The following ATR variants were observed in gnomAD, a reference collection of about 807,000 sequenced individuals.
ATR encodes ATR checkpoint kinase, also known as serine/threonine-protein kinase ATR.
Under a neutral mutation model 305.3 loss-of-function variants are expected in ATR, and 142 were observed. The observed-to-expected ratio is 0.47, with a 90% confidence interval of 0.41 to 0.53. The LOEUF (loss-of-function observed/expected upper bound fraction) is 0.53. ATR is among the 20% of genes least tolerant of loss of function. ATR has a pLI of 0.00. For missense variants in ATR, 2,135 were observed against 3,133.1 expected, an observed-to-expected ratio of 0.68 and a Z score of 7.60; for synonymous variants, 1,050 against 1,068.1, an observed-to-expected ratio of 0.98 and a Z score of 0.33.
At chr3:142,487,603 C>T (rs1031154204) in intron 35 of ATR, among the ~76,000 whole-genome samples, 4 of 152,006 alleles carry the variant, frequency 2.6e-5, no homozygotes, top group Non-Finnish European at 1.5e-5. Context: ...GGATTACTTC[C>T]AATATAAAAT....
chr3:142,466,623 G>A lies in ATR; in HGVS notation c.6688-90C>T, dbSNP rs562888836. 9 of 1,226,522 alleles carry A rather than the reference G, an allele frequency of 7.3e-6. No homozygotes were observed. The East Asian group carries it at 2.3e-4, about 31-fold the overall frequency. The allele number at this position is 1,226,522 out of a possible 1,614,324, so 76.0% of individuals were successfully genotyped here. On this transcript the variant is annotated intron_variant, in intron 39 of 46. Transcript: ENST00000350721. ...ACTTTTACAATATTTTGATTACAAAGGTTCAGCAGTCTGTGGTTTTCTAAG... is the reference window on the plus strand; with the variant it reads ...ACTTTTACAATATTTTGATTACAAAAGTTCAGCAGTCTGTGGTTTTCTAAG...
intron 29 of ATR, 74 bp from the exon 30 acceptor site, chr3:142,503,527 G>A (rs2032085238): frequency 4.7e-6 from 4 of 854,928 alleles, no homozygotes; most frequent in Non-Finnish European, 7.3e-6. Context: ...CAGTTTAACT[G>A]ATATTCTTTA....
In ATR at chr3:142,562,966, T is replaced by C. The variant is rs765018743; in HGVS notation, c.436A>G (p.Thr146Ala). The C allele has an allele frequency of 1.9e-6, 3 of 1,610,028 alleles. No homozygotes were observed. The highest frequency in any genetic ancestry group is 1.7e-5 in the Admixed American group (1 of 59,026). The change falls in exon 4 of 47, where the codon ACA becomes GCA. Residue 146 changes from threonine (T) to alanine (A), a missense_variant. Thr to Ala is a moderately conservative substitution (Grantham distance 58). This residue lies in a region of ATR where 744 missense variants were observed against 873.2 expected (regional missense o/e 0.85). Transcript: ENST00000350721. ...SKSPAIFGVL[T>A]KELLQLFEDL... Reference sequence around the variant, plus strand: ...TCAAAAAGTTGTAATAATTCTTTTGTGAGTACCCCAAAAATAGCAGGACTC... The same window carrying C: ...TCAAAAAGTTGTAATAATTCTTTTGCGAGTACCCCAAAAATAGCAGGACTC...
At position 142,560,469 on chromosome 3, in the gene ATR, A is replaced by ATCTCTC; in HGVS notation, c.1350-16_1350-15insGAGAGA. 1 of 1,581,622 alleles carries ATCTCTC rather than the reference A, an allele frequency of 6.3e-7. No homozygotes were observed. The highest frequency in any genetic ancestry group is 8.7e-7 in the Non-Finnish European group (1 of 1,150,854). Reference sequence around the variant, plus strand: ...CATGTTTAATTCTATAATTATGAATATAGTAGAGAGATATTCATATGCAAT... The same window carrying ATCTCTC: ...CATGTTTAATTCTATAATTATGAATATCTCTCTAGTAGAGAGATATTCATATGCAAT... On this transcript the variant is annotated splice_polypyrimidine_tract_variant and intron_variant, in intron 5 of 46. Transcript: ENST00000350721.
chr3:142,568,121 C>T lies in ATR; in HGVS notation c.93G>A (p.Gln31=), dbSNP rs771757605. 1 of 1,612,338 alleles carries T rather than the reference C, an allele frequency of 6.2e-7. No individual in the cohort carries two copies. Among genetic ancestry groups the T allele is most frequent in the African/African-American group, 1.3e-5 (1 of 74,876 alleles). Residue 31 remains glutamine (Q), a synonymous_variant, in exon 2 of 47, where the codon CAG becomes CAA. Coordinates refer to ENST00000350721, the MANE Select transcript of ATR (RefSeq NM_001184.4). ...ATPEEYNTVV[Q]KPRQILCQFI... ...ATTGACACAGAATTTGTCTTGGCTT[C>T]TGTACAACTGTATTATATTCCTCTG...
chr3:142,465,109 G>T lies in ATR; in HGVS notation c.7029C>A (p.Ser2343=), dbSNP rs1340234376. ...RKDCRLMEFN[S]LINKCLRKDA... The stretch of plus-strand genomic sequence containing the variant: ...ACTATCTCCCAACCTTATTAATCAA[G>T]GAATTGAATTCCATTAGTCTACAAT... Residue 2343 remains serine (S), a synonymous_variant, in exon 41 of 47, where the codon TCC becomes TCA. Coordinates refer to ENST00000350721, the MANE Select transcript of ATR (RefSeq NM_001184.4). The T allele has an allele frequency of 1.3e-6, 2 of 1,524,404 alleles. No homozygotes were observed. Among genetic ancestry groups the T allele is most frequent in the African/African-American group, 1.4e-5 (1 of 72,514 alleles). 94.4% of individuals were successfully genotyped at this position (1,524,404 alleles called of 1,614,324 possible). A position where few individuals can be genotyped will look rare whatever the true frequency, so the allele number is the denominator to read the frequency against.
intron 15 of ATR, 85 bp downstream of exon 15, chr3:142,549,394 C>T: frequency 1.1e-6 from 1 of 937,228 alleles, no homozygotes; most frequent in Non-Finnish European, 1.5e-6. Flanking sequence ...ATAATTTACT[C>T]ACCCTCTTTC....
chr3:142,550,899 TG>T lies in ATR; in HGVS notation c.2806-598del, dbSNP rs1427310131. 9.2e-5 allele frequency among the ~76,000 whole-genome samples: 14 copies of T among 152,132 alleles called. No homozygotes were observed. The South Asian group carries it at 1.0e-3, about 11-fold the overall frequency. On this transcript the variant is annotated intron_variant, in intron 13 of 46. Transcript: ENST00000350721. ...ACCTCCTGGGTTCAGGCGATTCTTC[TG>T]CCTCAGCCTCCTGAGTAGCTGGGAT...
At chr3:142,548,048 G>A in intron 15 of ATR, 138 bp from the exon 16 acceptor site, 1 of 758,998 alleles carries the variant, frequency 1.3e-6, no homozygotes, top group East Asian at 2.7e-5. Context: ...ATTAAGAAAA[G>A]GCATTGGAAA....
At chr3:142,481,038 G>A (rs1036561409) in intron 36 of ATR, among the ~76,000 whole-genome samples, 10 of 152,224 alleles carry the variant, frequency 6.6e-5, no homozygotes, top group African/African-American at 2.4e-4. Flanking sequence ...CACTTCCCAG[G>A]TGAGGCAATG....
intron 21 of ATR, among the ~76,000 whole-genome samples, chr3:142,529,728 T>G (rs1399974960): frequency 6.6e-6 from 1 of 152,154 alleles, no homozygotes; most frequent in East Asian, 1.9e-4. Flanking sequence ...TTTTTTGACA[T>G]TTTAAAAAAA....
chr3:142,498,933 G>C (rs2031800655), intron 31 of ATR, among the ~76,000 whole-genome samples, 159 bp from the exon 32 acceptor site: 1 of 151,742 alleles, frequency 6.6e-6, no homozygotes, highest in Non-Finnish European at 1.5e-5. Flanking sequence ...CAGGATAGAG[G>C]GCTATGGCAT....
chr3:142,496,873 C>A, intron 33 of ATR, 140 bp downstream of exon 33: 1 of 988,258 alleles, frequency 1.0e-6, no homozygotes. Flanking sequence ...TTCCTTTCAA[C>A]CAGATAGTGT....
intron 36 of ATR, among the ~76,000 whole-genome samples, chr3:142,475,391 T>C (rs1208393569): frequency 6.6e-6 from 1 of 152,192 alleles, no homozygotes; most frequent in Non-Finnish European, 1.5e-5. Context: ...AATGATGGTT[T>C]CCAGCTTCAT....
Position 142,485,354 on chromosome 3 carries a change from T to C in ATR, c.6079-72A>G, listed in dbSNP as rs550905735. The C allele has an allele frequency of 3.5e-5, 54 of 1,546,020 alleles. No individual in the cohort carries two copies. In the South Asian group the frequency reaches 5.9e-4, roughly 17 times the overall value. On this transcript the variant is annotated intron_variant, in intron 35 of 46. Coordinates refer to ENST00000350721, the MANE Select transcript of ATR (RefSeq NM_001184.4). ...TGCTGGGAAGTAAAATATGAATAGA[T>C]GATTAGGGATCAAAAGTATGTGACC...
chr3:142,463,370 T>C (rs1405391651), intron 41 of ATR, among the ~76,000 whole-genome samples: 1 of 152,174 alleles, frequency 6.6e-6, no homozygotes, highest in Non-Finnish European at 1.5e-5. Context: ...AGTTAGTGAA[T>C]TAAGGTACCA....
chr3:142,529,848 G>A (rs2108412149), intron 21 of ATR, among the ~76,000 whole-genome samples: 1 of 151,910 alleles, frequency 6.6e-6, no homozygotes, highest in Middle Eastern at 3.4e-3. Flanking sequence ...TTTTGGCCAG[G>A]AAGCTTTGAA....
chr3:142,461,914 A>T lies in ATR; in HGVS notation c.7192+26T>A, dbSNP rs373402071. 19 of 1,603,036 alleles carry T rather than the reference A, an allele frequency of 1.2e-5. No individual in the cohort carries two copies. The African/African-American group carries it at 2.0e-4, about 17-fold the overall frequency. On this transcript the variant is annotated intron_variant, in intron 42 of 46. Transcript: ENST00000350721. Reference sequence around the variant, plus strand: ...TTATATAACTTAGTACCCACACTGTATATGTATAAGAATTAATTTTAGTAC... The same window carrying T: ...TTATATAACTTAGTACCCACACTGTTTATGTATAAGAATTAATTTTAGTAC...
intron 46 of ATR, chr3:142,451,359 G>A: frequency 7.4e-7 from 1 of 1,354,068 alleles, no homozygotes; most frequent in Non-Finnish European, 9.7e-7. Flanking sequence ...TTTAGTGGAA[G>A]GTGTGTTTTA....
Sources: allele counts gnomAD v4.1 joint callset (sites outside exome capture counted in the v4.1 genomes callset), GRCh38; gene constraint gnomAD v4.1.1; regional missense constraint gnomAD v4.1.1; transcripts MANE v1.5; gene names NCBI Gene and HGNC (gene_info 2026-07-23, HGNC 2026-07-21).